Variants in ZBTB20 observed in about 807,000 individuals in gnomAD.
ZBTB20 encodes zinc finger and BTB domain containing 20.
ZBTB20 carries 9 observed loss-of-function variants against 56.9 expected under a neutral mutation model. The ratio of observed to expected loss-of-function variants is 0.16; its 90% CI spans 0.10 to 0.28. The LOEUF (loss-of-function observed/expected upper bound fraction) is 0.28. ZBTB20 is among the 10% of genes least tolerant of loss of function. ZBTB20 has a pLI of 1.00. For synonymous variants in ZBTB20, 417 were observed against 420.7 expected, an observed-to-expected ratio of 0.99 and a Z score of 0.11; for missense variants, 655 against 1,003.0, an observed-to-expected ratio of 0.65 and a Z score of 4.69.
intron 6 of ZBTB20, among the ~76,000 whole-genome samples, chr3:114,607,303 AT>A (rs34327675): frequency 0.69 from 93,188 of 135,496 alleles, 31,934 homozygotes; most frequent in East Asian, 0.92. Context: ...CTGTTCATTC[AT>A]TTTTTTTTTT....
At chr3:114,539,613 A>T (rs894681575) in intron 6 of ZBTB20, among the ~76,000 whole-genome samples, 1 of 152,070 alleles carries the variant, frequency 6.6e-6, no homozygotes, top group East Asian at 1.9e-4. Context: ...ATCATTAGTA[A>T]TGTTTACTTA....
intron 7 of ZBTB20, among the ~76,000 whole-genome samples, chr3:114,495,492 T>C (rs1277036448): frequency 1.3e-5 from 2 of 152,120 alleles, no homozygotes; most frequent in Non-Finnish European, 2.9e-5. Context: ...CTCTCTCTCT[T>C]ACATATATAT....
At chr3:114,485,745 C>T (rs1321132890) in intron 7 of ZBTB20, among the ~76,000 whole-genome samples, 9 of 152,064 alleles carry the variant, frequency 5.9e-5, no homozygotes, top group Admixed American at 5.9e-4. Context: ...CTGTCTCTCT[C>T]CCTTTTCCTC....
chr3:114,476,930 C>T (rs2040841390), intron 7 of ZBTB20, among the ~76,000 whole-genome samples: 2 of 152,218 alleles, frequency 1.3e-5, no homozygotes, highest in Non-Finnish European at 2.9e-5. Flanking sequence ...CTTGGGCAAG[C>T]TGCTGATGCT....
chr3:114,410,955 A>G (rs1292875313), intron 7 of ZBTB20, among the ~76,000 whole-genome samples: 3 of 152,096 alleles, frequency 2.0e-5, no homozygotes, highest in Non-Finnish European at 2.9e-5. Flanking sequence ...TAAACTAGGG[A>G]GTCATCCAGG....
At chr3:115,076,560 G>A (rs932495280) in intron 1 of ZBTB20, among the ~76,000 whole-genome samples, 1 of 152,096 alleles carries the variant, frequency 6.6e-6, no homozygotes, top group Non-Finnish European at 1.5e-5. Context: ...ATCGATTAAA[G>A]ACTTAAATGT....
At chr3:114,768,306 G>T (rs2108730569) in intron 5 of ZBTB20, among the ~76,000 whole-genome samples, 2 of 151,932 alleles carry the variant, frequency 1.3e-5, no homozygotes, top group South Asian at 4.2e-4. Flanking sequence ...AATAAAAATA[G>T]ATAAAATTAT....
chr3:114,413,665 G>A (rs2088216841), intron 7 of ZBTB20, among the ~76,000 whole-genome samples: 1 of 152,068 alleles, frequency 6.6e-6, no homozygotes, highest in South Asian at 2.1e-4. Flanking sequence ...AGCCTGCTGG[G>A]GCCAGAAGGT....
intron 4 of ZBTB20, among the ~76,000 whole-genome samples, chr3:114,871,399 G>C (rs2076004969): frequency 6.6e-6 from 1 of 152,032 alleles, no homozygotes; most frequent in East Asian, 1.9e-4. Flanking sequence ...CTCTACTTTA[G>C]TTTTAGGGTC....
At position 114,910,102 on chromosome 3, in the gene ZBTB20, T is replaced by G. The variant is rs1231839290; in HGVS notation, c.-455-9760A>C. On this transcript the variant is annotated intron_variant, in intron 3 of 11. Transcript: ENST00000675478. ...GAAAAAACAAATCTATTTGGACATT[T>G]AAGTGATTACTGAATACTATGAAAT... Among the ~76,000 whole-genome samples, 5 of 152,082 alleles carry G rather than the reference T, an allele frequency of 3.3e-5. No individual in the cohort carries two copies. The East Asian group carries it at 7.7e-4, about 23-fold the overall frequency.
At chr3:114,712,558 C>T (rs1320297211) in intron 5 of ZBTB20, among the ~76,000 whole-genome samples, 1 of 150,650 alleles carries the variant, frequency 6.6e-6, no homozygotes, top group African/African-American at 2.4e-5. Context: ...GAAGCTGAGG[C>T]AGGAGAATCC....
chr3:114,513,038 C>T (rs2045585152), intron 6 of ZBTB20, among the ~76,000 whole-genome samples: 2 of 152,268 alleles, frequency 1.3e-5, no homozygotes, highest in African/African-American at 2.4e-5. Context: ...CTGAACCTGG[C>T]TACCTTAGGT....
intron 2 of ZBTB20, among the ~76,000 whole-genome samples, chr3:115,006,978 T>G (rs902804640): frequency 1.3e-5 from 2 of 151,854 alleles, no homozygotes; most frequent in African/African-American, 4.8e-5. Context: ...AATGTAGCAA[T>G]ACCAGAAAAT....
intron 1 of ZBTB20, among the ~76,000 whole-genome samples, chr3:115,122,978 A>C (rs1488833966): frequency 2.0e-5 from 3 of 152,140 alleles, no homozygotes; most frequent in Non-Finnish European, 4.4e-5. Context: ...ATTACCTGGA[A>C]ACTCCAATCA....
Position 114,325,440 on chromosome 3 carries a change from C to A in ZBTB20, c.*13565G>T, listed in dbSNP as rs1170491238. 6.6e-6 allele frequency: 1 copy of A among 152,198 alleles called. No individual in the cohort carries two copies. Among genetic ancestry groups the A allele is most frequent in the Non-Finnish European group, 1.5e-5 (1 of 68,036 alleles). 9.4% of individuals were successfully genotyped at this position (152,198 alleles called of 1,614,324 possible). ...TTTTATTTTCAGTGATCTCTCTGTA[C>A]ACTCCTCTCGGGCCCGGATAGCACA... On this transcript the variant is annotated 3_prime_UTR_variant, in exon 12 of 12. Coordinates refer to ENST00000675478, the MANE Select transcript of ZBTB20 (RefSeq NM_001348800.3).
chr3:115,033,767 C>T (rs1039824318), intron 2 of ZBTB20, among the ~76,000 whole-genome samples: 3 of 151,698 alleles, frequency 2.0e-5, no homozygotes, highest in Admixed American at 6.6e-5. Context: ...CTGTATTACC[C>T]TGATGCCAAA....
intron 6 of ZBTB20, among the ~76,000 whole-genome samples, chr3:114,515,771 C>T (rs938375838): frequency 6.6e-6 from 1 of 152,148 alleles, no homozygotes; most frequent in Non-Finnish European, 1.5e-5. Context: ...CTTATTATAT[C>T]AGTTACTTTT....
intron 6 of ZBTB20, among the ~76,000 whole-genome samples, chr3:114,626,993 T>C (rs1056360142): frequency 3.9e-5 from 6 of 152,230 alleles, no homozygotes; most frequent in East Asian, 1.9e-4. Flanking sequence ...AAGGTTAGTT[T>C]ATTCAGGCCT....
intron 1 of ZBTB20, among the ~76,000 whole-genome samples, chr3:115,114,693 T>A (rs78246971): frequency 0.019 from 2,954 of 152,196 alleles, 104 homozygotes; most frequent in African/African-American, 0.068. Flanking sequence ...GGCAAGAAAA[T>A]CACATTGTAA....
Sources: allele counts gnomAD v4.1 joint callset (sites outside exome capture counted in the v4.1 genomes callset), GRCh38; gene constraint gnomAD v4.1.1; transcripts MANE v1.5; gene names NCBI Gene and HGNC (gene_info 2026-07-23, HGNC 2026-07-21).